Variants in IGF2BP1 observed in about 807,000 individuals in gnomAD.
The protein encoded by IGF2BP1 is insulin-like growth factor 2 mRNA-binding protein 1.
In IGF2BP1, 11 loss-of-function variants were observed where a neutral mutation model predicts 74.9. The observed-to-expected ratio is 0.15, with a 90% CI of 0.09 to 0.24. The LOEUF is 0.24. Among genes scored for constraint, IGF2BP1 ranks in the 10% least tolerant of loss-of-function variants. IGF2BP1 has a pLI of 1.00. For synonymous variants in IGF2BP1, 287 were observed against 281.8 expected (o/e 1.02, Z -0.18); for missense variants, 440 against 757.4 (o/e 0.58, Z 4.92).
At position 49,055,008 on chromosome 17, in the gene IGF2BP1, T is replaced by G. The variant is rs2042209196; in HGVS notation, c.*5564T>G. The stretch of plus-strand genomic sequence containing the variant: ...ATAGAAGCCCCATTTCACTTTTGTT[T>G]TATCTACCTCTTAGCAAAACAATAG... On this transcript the variant is annotated 3_prime_UTR_variant, in exon 15 of 15. Coordinates refer to ENST00000290341, the MANE Select transcript of IGF2BP1 (RefSeq NM_006546.4). 1 of 151,794 alleles carries G rather than the reference T, an allele frequency of 6.6e-6. No homozygotes were observed. The highest frequency in any genetic ancestry group is 2.1e-4 in the South Asian group (1 of 4,726). 9.4% of individuals were successfully genotyped at this position (151,794 alleles called of 1,614,324 possible). A position where few individuals can be genotyped will look rare whatever the true frequency, so the allele number is the denominator to read the frequency against.
intron 2 of IGF2BP1, among the ~76,000 whole-genome samples, chr17:49,004,354 C>T (rs2041523144): frequency 6.6e-6 from 1 of 152,134 alleles, no homozygotes; most frequent in Non-Finnish European, 1.5e-5. Flanking sequence ...TGGGCTGCCT[C>T]AGGAGCTCTC....
In IGF2BP1 at chr17:49,015,272, C is replaced by T. The variant is rs2041683189; in HGVS notation, c.237-10346C>T. Among the ~76,000 whole-genome samples, 3 of 152,296 alleles carry T rather than the reference C, an allele frequency of 2.0e-5. No homozygotes were observed. In the South Asian group the frequency reaches 6.2e-4, roughly 32 times the overall value. ...ATAGGCGTGAACCACTTTGCCCGGC[C>T]GTGACCGTATGGCTTTTAAGCTTTC... is the stretch of plus-strand genomic sequence containing the variant. On this transcript the variant is annotated intron_variant, in intron 2 of 14. Coordinates refer to ENST00000290341, the MANE Select transcript of IGF2BP1 (RefSeq NM_006546.4).
intron 14 of IGF2BP1, among the ~76,000 whole-genome samples, chr17:49,049,044 A>G (rs1345957119): frequency 2.0e-5 from 3 of 152,082 alleles, no homozygotes; most frequent in East Asian, 1.9e-4. Flanking sequence ...ATGTTTATCA[A>G]CTTTGTCAAG....
chr17:49,042,163 C>T, intron 8 of IGF2BP1, 79 bp from the exon 9 acceptor site: 1 of 1,578,884 alleles, frequency 6.3e-7, no homozygotes, highest in South Asian at 1.1e-5. Context: ...TGTGACTCAG[C>T]TGGCCTCTCG....
At chr17:49,007,166 A>G (rs2041560015) in intron 2 of IGF2BP1, among the ~76,000 whole-genome samples, 2 of 152,166 alleles carry the variant, frequency 1.3e-5, no homozygotes, top group Admixed American at 6.5e-5. Context: ...GACCTCCCCC[A>G]TCTGCTGGGA....
At chr17:49,019,520 T>C (rs2041749639) in intron 2 of IGF2BP1, among the ~76,000 whole-genome samples, 1 of 152,174 alleles carries the variant, frequency 6.6e-6, no homozygotes, top group Non-Finnish European at 1.5e-5. Context: ...GAAAGGATAA[T>C]GTAATAACCC....
At chr17:49,018,527 G>C (rs2041736980) in intron 2 of IGF2BP1, among the ~76,000 whole-genome samples, 1 of 152,092 alleles carries the variant, frequency 6.6e-6, no homozygotes, top group Non-Finnish European at 1.5e-5. Context: ...GGGGGTTAGG[G>C]AGTGTGCCTT....
chr17:48,999,817 C>G (rs1411653049), intron 2 of IGF2BP1, among the ~76,000 whole-genome samples: 1 of 151,890 alleles, frequency 6.6e-6, no homozygotes, highest in African/African-American at 2.4e-5. Flanking sequence ...CCCCCCTACC[C>G]CCACTCCTTC....
At chr17:49,008,884 G>A (rs901206103) in intron 2 of IGF2BP1, among the ~76,000 whole-genome samples, 3 of 152,004 alleles carry the variant, frequency 2.0e-5, no homozygotes, top group Non-Finnish European at 2.9e-5. Context: ...ATTCATGCAT[G>A]CAGGCATGCA....
intron 2 of IGF2BP1, among the ~76,000 whole-genome samples, chr17:49,015,833 A>G (rs935790681): frequency 5.9e-5 from 9 of 152,240 alleles, no homozygotes; most frequent in Admixed American, 3.9e-4. Context: ...GAGATAGGCG[A>G]ATTGAGCAAA....
intron 2 of IGF2BP1, among the ~76,000 whole-genome samples, chr17:48,999,843 G>C (rs1265256743): frequency 6.6e-6 from 1 of 151,590 alleles, no homozygotes; most frequent in Admixed American, 6.6e-5. Flanking sequence ...ATTGTTACCA[G>C]GGGACCATCT....
chr17:49,005,722 C>G (rs1291001768), intron 2 of IGF2BP1, among the ~76,000 whole-genome samples: 2 of 151,960 alleles, frequency 1.3e-5, no homozygotes, highest in Non-Finnish European at 2.9e-5. Context: ...AGGAGAACTT[C>G]AAATTTTTTT....
At chr17:49,025,313 A>AGT (rs369153046) in intron 2 of IGF2BP1, among the ~76,000 whole-genome samples, 28,648 of 133,226 alleles carry the variant, frequency 0.22, 2,963 homozygotes, top group East Asian at 0.28. Flanking sequence ...GGACAAACAA[A>AGT]GTGTGTGTGT....
intron 2 of IGF2BP1, among the ~76,000 whole-genome samples, chr17:49,015,400 C>T (rs62078401): frequency 1.3e-5 from 2 of 152,194 alleles, no homozygotes; most frequent in Non-Finnish European, 2.9e-5. Flanking sequence ...ACCTTTCCCT[C>T]GGTCGGAGCT....
At chr17:49,031,753 C>G (rs929948602) in intron 4 of IGF2BP1, among the ~76,000 whole-genome samples, 157 bp from the exon 5 acceptor site, 6 of 152,068 alleles carry the variant, frequency 3.9e-5, no homozygotes, top group Middle Eastern at 3.2e-3. Flanking sequence ...CCGCCCGCCT[C>G]GCCCTCCCAA....
At chr17:49,018,518 G>A (rs550794975) in intron 2 of IGF2BP1, among the ~76,000 whole-genome samples, 20 of 152,254 alleles carry the variant, frequency 1.3e-4, no homozygotes, top group Admixed American at 5.2e-4. Context: ...GGTGGGGATG[G>A]GGGTTAGGGA....
intron 5 of IGF2BP1, among the ~76,000 whole-genome samples, chr17:49,036,050 A>G (rs8082366): frequency 1 from 151,788 of 152,234 alleles, 75,675 homozygotes; most frequent in Middle Eastern, 1. Flanking sequence ...CCTCACGGTG[A>G]CCGCATTTCC....
Position 48,997,564 on chromosome 17 carries a change from A to G in IGF2BP1, c.-182A>G, listed in dbSNP as rs1162913768. ...TGGGCTCTCCCCGAACTCTCCCGCG[A>G]CCTCTGCGCGCCCTCAGGCCGCCTT... On this transcript the variant is annotated 5_prime_UTR_variant, in exon 1 of 15. Transcript: ENST00000290341. This position sits in a 1 kb window ranked among gnomAD's most constrained non-coding sequence, Gnocchi z 4.8. 1.1e-5 allele frequency: 7 copies of G among 615,010 alleles called. No individual in the cohort carries two copies. In the African/African-American group the frequency reaches 1.1e-4, roughly 10 times the overall value. The allele number at this position is 615,010 out of a possible 1,614,324, so 38.1% of individuals were successfully genotyped here. A position where few individuals can be genotyped will look rare whatever the true frequency, so the allele number is the denominator to read the frequency against.
At chr17:49,043,861 T>G in intron 10 of IGF2BP1, 106 bp from the exon 11 acceptor site, 1 of 1,491,128 alleles carries the variant, frequency 6.7e-7, no homozygotes, top group Non-Finnish European at 9.0e-7. Context: ...GGGTGGCGGT[T>G]TGGTGCCTGT....
Sources: gnomAD v4.1 joint callset for allele counts (sites outside exome capture counted in the v4.1 genomes callset) on GRCh38, gnomAD v4.1.1 for gene constraint, Gnocchi (gnomAD v3.1) non-coding constraint, MANE v1.5 for transcripts, NCBI Gene and HGNC (gene_info 2026-07-23, HGNC 2026-07-21) for gene names.